SORCS2: variants seen among roughly 807,000 people sequenced by gnomAD.
The protein encoded by SORCS2 is VPS10 domain-containing receptor SorCS2.
Under a neutral mutation model 141.6 loss-of-function variants are expected in SORCS2, and 100 were observed. The observed-to-expected ratio is 0.71, with a 90% CI of 0.60 to 0.83. The LOEUF is 0.83. SORCS2 is among the 40% of genes least tolerant of loss of function. The pLI is 0.00. For missense variants in SORCS2, 1,646 were observed against 1,560.2 expected, an observed-to-expected ratio of 1.05 and a Z score of -0.93; for synonymous variants, 789 against 676.9, an observed-to-expected ratio of 1.17 and a Z score of -2.57.
intron 3 of SORCS2, among the ~76,000 whole-genome samples, chr4:7,536,520 C>T (rs143925678): frequency 6.6e-6 from 1 of 152,278 alleles, no homozygotes; most frequent in African/African-American, 2.4e-5. Context: ...GGTCTTCAGA[C>T]ACCTGCATGG....
chr4:7,707,474 A>G (rs1433476961), intron 14 of SORCS2, among the ~76,000 whole-genome samples: 1 of 152,138 alleles, frequency 6.6e-6, no homozygotes, highest in Admixed American at 6.6e-5. Flanking sequence ...GTGAGTGTGG[A>G]CCCCTCTCAG....
intron 3 of SORCS2, among the ~76,000 whole-genome samples, chr4:7,637,598 ATGGC>A (rs1720348125): frequency 6.6e-6 from 1 of 152,232 alleles, no homozygotes; most frequent in Admixed American, 6.5e-5. Context: ...GAATGAATGA[ATGGC>A]TATGATTAGC....
intron 18 of SORCS2, among the ~76,000 whole-genome samples, chr4:7,718,517 G>A (rs532525686): frequency 2.0e-5 from 3 of 152,230 alleles, no homozygotes; most frequent in African/African-American, 2.4e-5. Flanking sequence ...ATTCATTCCC[G>A]TGGGTGGTAA....
At chr4:7,651,606 C>T (rs1435516718) in intron 4 of SORCS2, among the ~76,000 whole-genome samples, 1 of 152,254 alleles carries the variant, frequency 6.6e-6, no homozygotes, top group Non-Finnish European at 1.5e-5. Context: ...GAATGAGACA[C>T]AGGGTTTATT....
chr4:7,403,465 G>A (rs1374168102), intron 2 of SORCS2, among the ~76,000 whole-genome samples: 2 of 152,166 alleles, frequency 1.3e-5, no homozygotes, highest in Non-Finnish European at 2.9e-5. Flanking sequence ...CAACCTCAGT[G>A]GGGCAGGGGG....
intron 3 of SORCS2, among the ~76,000 whole-genome samples, chr4:7,565,645 T>G (rs115603629): frequency 7.0e-6 from 1 of 143,740 alleles, no homozygotes; most frequent in African/African-American, 2.7e-5. Context: ...TGATGGTGAT[T>G]TTTATGGTGA....
intron 1 of SORCS2, among the ~76,000 whole-genome samples, chr4:7,277,434 C>G (rs141514927): frequency 6.6e-6 from 1 of 152,066 alleles, no homozygotes; most frequent in South Asian, 2.1e-4. Flanking sequence ...ACGGGCTTTC[C>G]GTGACGAAGA....
chr4:7,637,021 G>A (rs1239236469), intron 3 of SORCS2, among the ~76,000 whole-genome samples: 4 of 152,016 alleles, frequency 2.6e-5, no homozygotes, highest in East Asian at 3.9e-4. Context: ...CCTGTGTGTT[G>A]CCTTCTCTCT....
intron 2 of SORCS2, among the ~76,000 whole-genome samples, chr4:7,424,932 A>G (rs764558261): frequency 1.3e-5 from 2 of 152,246 alleles, no homozygotes; most frequent in African/African-American, 2.4e-5. Context: ...CTCCCAGGAC[A>G]CTGGCATGGG....
intron 3 of SORCS2, among the ~76,000 whole-genome samples, chr4:7,611,875 T>C (rs1157087668): frequency 1.3e-5 from 2 of 152,252 alleles, no homozygotes; most frequent in African/African-American, 4.8e-5. Context: ...GCTGGTCCTC[T>C]CCAGACAGGC....
At chr4:7,397,191 T>C (rs1724270070) in intron 2 of SORCS2, among the ~76,000 whole-genome samples, 1 of 152,204 alleles carries the variant, frequency 6.6e-6, no homozygotes, top group Non-Finnish European at 1.5e-5. Flanking sequence ...AGTTGGTTTA[T>C]TTTCCATTTT....
chr4:7,463,654 C>A (rs1729443359), intron 2 of SORCS2, among the ~76,000 whole-genome samples: 1 of 152,166 alleles, frequency 6.6e-6, no homozygotes, highest in Non-Finnish European at 1.5e-5. Flanking sequence ...AAAATAAGAT[C>A]AGTGATTTGT....
intron 13 of SORCS2, 125 bp downstream of exon 13, chr4:7,703,496 T>C: frequency 1.4e-6 from 1 of 726,054 alleles, no homozygotes; most frequent in East Asian, 2.9e-5. Context: ...ACAGAGCAAC[T>C]GCACTAAATC....
intron 2 of SORCS2, among the ~76,000 whole-genome samples, chr4:7,397,837 A>C (rs9997594): frequency 0.15 from 23,026 of 152,186 alleles, 1,892 homozygotes; most frequent in Non-Finnish European, 0.18. Flanking sequence ...TTCCTCGGTG[A>C]CAAAGCGGAC....
chr4:7,266,398 C>T (rs972494038), intron 1 of SORCS2, among the ~76,000 whole-genome samples: 5 of 152,212 alleles, frequency 3.3e-5, no homozygotes, highest in African/African-American at 9.6e-5. Flanking sequence ...CCCTCATTTC[C>T]GTCCTGCCCT....
rs1264247382 is a variant in SORCS2 at position 7,663,952 on chromosome 4, A to G, written c.953-401A>G. On this transcript the variant is annotated intron_variant, in intron 6 of 26. Coordinates refer to ENST00000507866, the MANE Select transcript of SORCS2 (RefSeq NM_020777.3). The surrounding 1 kb of genome is among the most constrained non-coding windows in gnomAD (Gnocchi z 4.8). Reference sequence around the variant, plus strand: ...TAAATATTTGGAAAAGGGTAGAAGCAGTTGCTTAAAATTTGGGGGAAAAGA... The same window carrying G: ...TAAATATTTGGAAAAGGGTAGAAGCGGTTGCTTAAAATTTGGGGGAAAAGA... Among the ~76,000 whole-genome samples, 1 of 152,200 alleles carries G rather than the reference A, an allele frequency of 6.6e-6. No individual in the cohort carries two copies. The highest frequency in any genetic ancestry group is 1.5e-5 in the Non-Finnish European group (1 of 68,040).
In SORCS2 at chr4:7,724,109, GTGGTGA is replaced by G. The variant is rs1302564400; in HGVS notation, c.2611+232_2611+237del. Among the ~76,000 whole-genome samples, 29 of 147,472 alleles carry G rather than the reference GTGGTGA, an allele frequency of 2.0e-4. 1 individual carries two copies. In the East Asian group the frequency reaches 2.6e-3, roughly 13 times the overall value. On this transcript the variant is annotated intron_variant, in intron 19 of 26. Transcript: ENST00000507866. ...GCTGGTGGTGATATTGATGATAGTGGTGGTGATGGTGGTGGTGGTGGTGGTGGTGGT... is the reference window on the plus strand; with the variant it reads ...GCTGGTGGTGATATTGATGATAGTGGTGGTGGTGGTGGTGGTGGTGGTGGT...
In SORCS2 at chr4:7,598,481, G is replaced by A. The variant is rs1159803298; in HGVS notation, c.649-39847G>A. Reference sequence around the variant, plus strand: ...GAGCTGATTAGCCCCTTCTCCCTCCGCTGTGATCATGTGTCACAACTCCAC... The same window carrying A: ...GAGCTGATTAGCCCCTTCTCCCTCCACTGTGATCATGTGTCACAACTCCAC... On this transcript the variant is annotated intron_variant, in intron 3 of 26. Transcript: ENST00000507866. Among the ~76,000 whole-genome samples the A allele has an allele frequency of 4.6e-5, 7 of 152,186 alleles. No individual in the cohort carries two copies. The East Asian group carries it at 7.7e-4, about 17-fold the overall frequency.
intron 1 of SORCS2, among the ~76,000 whole-genome samples, chr4:7,208,123 G>A (rs1727850269): frequency 6.6e-6 from 1 of 151,658 alleles, no homozygotes; most frequent in Non-Finnish European, 1.5e-5. Flanking sequence ...GTCTCAGGAA[G>A]GCAAAGAAGA....
Sources: gnomAD v4.1 joint callset for allele counts (sites outside exome capture counted in the v4.1 genomes callset) on GRCh38, gnomAD v4.1.1 for gene constraint, Gnocchi (gnomAD v3.1) non-coding constraint, MANE v1.5 for transcripts, NCBI Gene and HGNC (gene_info 2026-07-23, HGNC 2026-07-21) for gene names.